Variants in TWSG1 observed in about 807,000 individuals in gnomAD.
TWSG1 encodes the protein twisted gastrulation BMP signaling modulator 1.
A neutral mutation model predicts 23.0 loss-of-function variants in TWSG1; 15 were observed. The ratio of observed to expected loss-of-function variants is 0.65; its 90% CI spans 0.44 to 1.00. The LOEUF (loss-of-function observed/expected upper bound fraction) is 1.00. Ranked by LOEUF, TWSG1 falls within the 50% of genes least tolerant of loss-of-function variation. The probability of loss-of-function intolerance (pLI) is 0.00; values close to 1 mark genes in which losing one functional copy is unlikely to be tolerated. For missense variants in TWSG1, 242 were observed against 278.7 expected (o/e 0.87, Z 0.94); for synonymous variants, 86 against 92.8 (o/e 0.93, Z 0.42).
In TWSG1 at chr18:9,399,527, A is replaced by C; in HGVS notation, c.672A>C (p.Ter224TyrextTer10). 6.3e-7 allele frequency: 1 copy of C among 1,598,306 alleles called. No homozygotes were observed. The highest frequency in any genetic ancestry group is 8.5e-7 in the Non-Finnish European group (1 of 1,174,786). Residue 224 changes from the stop codon to tyrosine, a stop_lost, in exon 5 of 5, where the codon TAA (stop) becomes TAC (tyrosine). Transcript: ENST00000262120. ...KTVKCMNCMF[*>Y] ...TCAAATGTATGAACTGCATGTTTTA[A>C]AGAAGACAAATGCAAACCAAAGCAA...
chr18:9,355,972 G>T (rs1326147127), intron 2 of TWSG1, among the ~76,000 whole-genome samples: 2 of 152,044 alleles, frequency 1.3e-5, no homozygotes, highest in African/African-American at 2.4e-5. Context: ...TTAAGACAAT[G>T]GTTTTTTAGT....
chr18:9,401,030 TAAA>T lies in TWSG1; in HGVS notation c.*1505_*1507del, dbSNP rs1323441305. On this transcript the variant is annotated 3_prime_UTR_variant, in exon 5 of 5. Transcript: ENST00000262120. Reference sequence around the variant, plus strand: ...ATTCATGATCTGAATAGTAGTTAGTTAAAAGATCATTTGTAATATTATGATCAA... The same window carrying T: ...ATTCATGATCTGAATAGTAGTTAGTTAGATCATTTGTAATATTATGATCAA... The T allele has an allele frequency of 1.3e-5, 2 of 152,232 alleles. No individual in the cohort carries two copies. The highest frequency in any genetic ancestry group is 2.9e-5 in the Non-Finnish European group (2 of 68,038). The allele number at this position is 152,232 out of a possible 1,614,324, so 9.4% of individuals were successfully genotyped here.
chr18:9,354,990 C>T (rs1246425096), intron 2 of TWSG1, among the ~76,000 whole-genome samples: 1 of 151,698 alleles, frequency 6.6e-6, no homozygotes, highest in African/African-American at 2.4e-5. Context: ...GAGTCTCGCT[C>T]TGTTGTCCAG....
intron 3 of TWSG1, among the ~76,000 whole-genome samples, chr18:9,369,347 C>T (rs2040594208): frequency 6.6e-6 from 1 of 152,054 alleles, no homozygotes. Context: ...TGGCTCACTG[C>T]AGCCTCCACC....
chr18:9,364,556 G>C (rs2040568568), intron 3 of TWSG1, among the ~76,000 whole-genome samples: 1 of 152,148 alleles, frequency 6.6e-6, no homozygotes, highest in African/African-American at 2.4e-5. Flanking sequence ...ACTTTGGGAG[G>C]CCAAGAGGGG....
chr18:9,338,248 C>T (rs2145588865), intron 2 of TWSG1, among the ~76,000 whole-genome samples: 1 of 152,306 alleles, frequency 6.6e-6, no homozygotes. Flanking sequence ...TTTGGTCCTT[C>T]TCGCTAATAG....
chr18:9,374,756 G>C (rs751132900), intron 3 of TWSG1, among the ~76,000 whole-genome samples: 8 of 152,154 alleles, frequency 5.3e-5, no homozygotes, highest in African/African-American at 9.7e-5. Flanking sequence ...CATGAATATA[G>C]AGGCAAATTA....
chr18:9,364,247 T>C (rs181486763), intron 3 of TWSG1, among the ~76,000 whole-genome samples: 36 of 152,340 alleles, frequency 2.4e-4, no homozygotes, highest in African/African-American at 8.2e-4. Context: ...CTTTTCTATT[T>C]CCTATAGGCT....
intron 2 of TWSG1, among the ~76,000 whole-genome samples, chr18:9,338,597 A>G (rs1281300053): frequency 6.6e-6 from 1 of 152,232 alleles, no homozygotes; most frequent in Non-Finnish European, 1.5e-5. Flanking sequence ...CCAATTTTAC[A>G]GTTTAAAAAT....
intron 3 of TWSG1, among the ~76,000 whole-genome samples, chr18:9,371,268 T>C (rs535992872): frequency 5.3e-5 from 8 of 152,042 alleles, no homozygotes; most frequent in African/African-American, 1.9e-4. Context: ...GCAAAGAAAC[T>C]GCACTGATTT....
At chr18:9,376,313 A>G (rs2040630306) in intron 3 of TWSG1, among the ~76,000 whole-genome samples, 1 of 152,220 alleles carries the variant, frequency 6.6e-6, no homozygotes. Flanking sequence ...GAAAGGCAAA[A>G]GACACAGAAT....
At chr18:9,343,583 A>G (rs551013279) in intron 2 of TWSG1, among the ~76,000 whole-genome samples, 99 of 151,990 alleles carry the variant, frequency 6.5e-4, no homozygotes, top group African/African-American at 2.2e-3. Context: ...GTCATTTCCT[A>G]TTCTCTCTCC....
chr18:9,337,498 G>C (rs1416335313), intron 2 of TWSG1, 146 bp downstream of exon 2: 4 of 840,350 alleles, frequency 4.8e-6, no homozygotes. Context: ...ATGACACACA[G>C]GTCTGGATTT....
At chr18:9,382,266 G>A (rs1385343873) in intron 3 of TWSG1, among the ~76,000 whole-genome samples, 3 of 151,976 alleles carry the variant, frequency 2.0e-5, no homozygotes, top group Non-Finnish European at 4.4e-5. Context: ...GCTCACGCCT[G>A]TAATCCTAGC....
chr18:9,385,479 G>C (rs2145628270), intron 3 of TWSG1, among the ~76,000 whole-genome samples: 1 of 39,236 alleles, frequency 2.5e-5, no homozygotes, highest in East Asian at 3.8e-4. Flanking sequence ...ATGAGGTCAG[G>C]AGATCGAGAC....
At chr18:9,342,705 G>C (rs1337739309) in intron 2 of TWSG1, among the ~76,000 whole-genome samples, 2 of 152,140 alleles carry the variant, frequency 1.3e-5, no homozygotes, top group African/African-American at 4.8e-5. Context: ...GCTGTCTTAT[G>C]GTGACTTTCC....
chr18:9,371,124 C>G (rs2040603111), intron 3 of TWSG1, among the ~76,000 whole-genome samples: 1 of 151,880 alleles, frequency 6.6e-6, no homozygotes, highest in Non-Finnish European at 1.5e-5. Context: ...CAGATTGACC[C>G]TATACTTTAA....
intron 2 of TWSG1, among the ~76,000 whole-genome samples, chr18:9,344,381 A>G (rs1393272328): frequency 1.3e-5 from 2 of 152,016 alleles, no homozygotes; most frequent in Non-Finnish European, 2.9e-5. Flanking sequence ...CTATAGCCTC[A>G]CCAACACTTA....
rs573796829 is a variant in TWSG1, at chr18:9,387,668, G to T, written c.224-8612G>T. ...GCCTGTAGTCCCAGCTACTTGGGAG[G>T]CTGAAGCAGGAGAATCACTTGAACC... On this transcript the variant is annotated intron_variant, in intron 3 of 4. Transcript: ENST00000262120. Among the ~76,000 whole-genome samples the T allele has an allele frequency of 2.6e-5, 4 of 151,682 alleles. No homozygotes were observed. In the East Asian group the frequency reaches 7.8e-4, roughly 29 times the overall value.
Sources: gnomAD v4.1 joint callset for allele counts (sites outside exome capture counted in the v4.1 genomes callset) on GRCh38, gnomAD v4.1.1 for gene constraint, MANE v1.5 for transcripts, NCBI Gene and HGNC (gene_info 2026-07-23, HGNC 2026-07-21) for gene names.